Variants in RIPOR2 observed in about 807,000 individuals in gnomAD.
RIPOR2 encodes the protein RHO family interacting cell polarization regulator 2, also known as rho family-interacting cell polarization regulator 2.
RIPOR2 carries 39 observed loss-of-function variants against 114.5 expected under a neutral mutation model. The ratio of observed to expected loss-of-function variants is 0.34; its 90% CI spans 0.26 to 0.44. The LOEUF (loss-of-function observed/expected upper bound fraction) is 0.44. RIPOR2 is among the 20% of genes least tolerant of loss of function. The pLI, the probability that RIPOR2 is intolerant of heterozygous loss-of-function variation, is 1.00. For synonymous variants in RIPOR2, 445 were observed against 484.4 expected (o/e 0.92, Z 1.07); for missense variants, 1,007 against 1,255.1 (o/e 0.80, Z 2.99).
chr6:24,823,324 AT>A (rs758982011), intron 19 of RIPOR2, among the ~76,000 whole-genome samples: 22 of 152,340 alleles, frequency 1.4e-4, no homozygotes, highest in Non-Finnish European at 2.5e-4. Flanking sequence ...AGTAATCCAA[AT>A]TCTGTTACTT....
At chr6:24,918,843 C>T (rs969393372) in intron 1 of RIPOR2, among the ~76,000 whole-genome samples, 2 of 152,204 alleles carry the variant, frequency 1.3e-5, no homozygotes, top group African/African-American at 4.8e-5. Context: ...CTCCTAGGCT[C>T]TGAATCCAGC....
intron 19 of RIPOR2, among the ~76,000 whole-genome samples, chr6:24,821,811 C>T (rs570596692): frequency 6.6e-6 from 1 of 152,340 alleles, no homozygotes; most frequent in South Asian, 2.1e-4. Flanking sequence ...GCTACCATTT[C>T]CAGAGGTGGA....
At chr6:24,847,850 A>C (rs1425866543) in intron 12 of RIPOR2, among the ~76,000 whole-genome samples, 175 bp downstream of exon 12, 1 of 152,222 alleles carries the variant, frequency 6.6e-6, no homozygotes, top group Non-Finnish European at 1.5e-5. Flanking sequence ...AAAAATCTAC[A>C]TGTTACCATC....
At chr6:24,847,374 G>A (rs374135520) in intron 12 of RIPOR2, among the ~76,000 whole-genome samples, 13 of 152,198 alleles carry the variant, frequency 8.5e-5, no homozygotes, top group African/African-American at 1.4e-4. Flanking sequence ...GACAAACTGC[G>A]TCTCTATCAA....
At chr6:25,004,835 T>G (rs1775480101) in intron 1 of RIPOR2, among the ~76,000 whole-genome samples, 1 of 152,224 alleles carries the variant, frequency 6.6e-6, no homozygotes, top group South Asian at 2.1e-4. Context: ...GTAAATCTGC[T>G]GTCTTTGAAG....
At chr6:24,943,820 T>TC (rs973196109) in intron 1 of RIPOR2, among the ~76,000 whole-genome samples, 4 of 151,588 alleles carry the variant, frequency 2.6e-5, no homozygotes, top group Non-Finnish European at 4.4e-5. Flanking sequence ...AAAGTCCCAT[T>TC]CCCCCAAAAC....
chr6:24,832,504 G>A (rs775173501), intron 15 of RIPOR2, 113 bp from the exon 16 acceptor site: 8 of 914,546 alleles, frequency 8.7e-6, no homozygotes, highest in Non-Finnish European at 1.3e-5. Flanking sequence ...CTCATGCGAT[G>A]TTTTTCTTCC....
chr6:24,836,586 T>C (rs1026586858), intron 14 of RIPOR2, among the ~76,000 whole-genome samples: 7 of 152,186 alleles, frequency 4.6e-5, no homozygotes, highest in Admixed American at 4.6e-4. Flanking sequence ...TTCACATGAT[T>C]AGCAGAGATT....
intron 1 of RIPOR2, among the ~76,000 whole-genome samples, chr6:25,007,185 A>C (rs1328079721): frequency 6.6e-6 from 1 of 152,202 alleles, no homozygotes; most frequent in East Asian, 1.9e-4. Flanking sequence ...TAATATCTTC[A>C]ATAGATAAAG....
intron 1 of RIPOR2, among the ~76,000 whole-genome samples, chr6:24,909,347 C>G (rs371764038): frequency 1.3e-5 from 2 of 152,028 alleles, no homozygotes; most frequent in Non-Finnish European, 2.9e-5. Context: ...TGCTGGTTCT[C>G]GGAGAGTTCG....
At position 24,873,795 on chromosome 6, in the gene RIPOR2, T is replaced by C; in HGVS notation, c.193A>G (p.Asn65Asp). The C allele has an allele frequency of 6.2e-7, 1 of 1,608,488 alleles. No homozygotes were observed. Among genetic ancestry groups the C allele is most frequent in the Non-Finnish European group, 8.5e-7 (1 of 1,178,360 alleles). The change falls in exon 3 of 22, where the codon AAC (asparagine) becomes GAC (aspartate). Residue 65 changes from asparagine (N) to aspartate (D), a missense_variant. By Grantham distance (23) the Asn-to-Asp change is conservative. Transcript: ENST00000643898. ...SGLQERRSRC[N>D]SFIENSSALK... is the part of the protein sequence containing the mutation. ...GCGGAGGAATTTTCAATGAAGGAGT[T>C]ACACCTATGGAAAGAACAGAAGAAA... is the stretch of plus-strand genomic sequence containing the variant.
chr6:24,948,657 G>A (rs1772588673), intron 1 of RIPOR2, among the ~76,000 whole-genome samples: 2 of 151,938 alleles, frequency 1.3e-5, no homozygotes, highest in South Asian at 4.2e-4. Flanking sequence ...TCAGCCTTCC[G>A]AGTAGCTGGG....
chr6:25,024,340 T>G, intron 1 of RIPOR2: 1 of 1,451,400 alleles, frequency 6.9e-7, no homozygotes, highest in South Asian at 1.1e-5. Flanking sequence ...GCCTTCTTCC[T>G]GGCTTCCTCG....
intron 5 of RIPOR2, 82 bp downstream of exon 5, chr6:24,870,784 G>A: frequency 9.9e-7 from 1 of 1,012,790 alleles, no homozygotes; most frequent in Non-Finnish European, 1.5e-6. Context: ...AAAGTGCTGG[G>A]ATGACAGGCG....
rs188153296 is a variant in RIPOR2 at position 24,880,509 on chromosome 6, G to C, written c.62-4692C>G. ...CTTTTCTGTATTATATTTTTATACAGAAAAGGTATTTGTGTATTTTTCATA... is the reference window on the plus strand; with the variant it reads ...CTTTTCTGTATTATATTTTTATACACAAAAGGTATTTGTGTATTTTTCATA... On this transcript the variant is annotated intron_variant, in intron 1 of 21. Transcript: ENST00000643898. Among the ~76,000 whole-genome samples, 126 of 152,276 alleles carry C rather than the reference G, an allele frequency of 8.3e-4. 1 individual carries two copies. Among genetic ancestry groups the C allele is most frequent in the African/African-American group, 2.9e-3 (121 of 41,558 alleles).
intron 1 of RIPOR2, among the ~76,000 whole-genome samples, chr6:24,899,161 A>G (rs1044715766): frequency 4.6e-5 from 7 of 152,116 alleles, no homozygotes; most frequent in African/African-American, 1.7e-4. Flanking sequence ...TTCAGGGACA[A>G]TGTGGGAACA....
At chr6:24,920,312 C>G (rs1770384593) in intron 1 of RIPOR2, among the ~76,000 whole-genome samples, 1 of 152,210 alleles carries the variant, frequency 6.6e-6, no homozygotes, top group African/African-American at 2.4e-5. Context: ...AGCATGTGAA[C>G]TTGGTATGCA....
chr6:24,825,510 T>C (rs970500951), intron 18 of RIPOR2, 82 bp from the exon 19 acceptor site: 1 of 997,610 alleles, frequency 1.0e-6, no homozygotes. Flanking sequence ...AGAACTCAAG[T>C]ACATAAGAAA....
intron 16 of RIPOR2, among the ~76,000 whole-genome samples, chr6:24,830,896 A>G (rs1760623491): frequency 6.6e-6 from 1 of 151,906 alleles, no homozygotes; most frequent in African/African-American, 2.4e-5. Flanking sequence ...TTGTATTTTT[A>G]GTAGAGATGA....
Sources: gnomAD v4.1 joint callset for allele counts (sites outside exome capture counted in the v4.1 genomes callset) on GRCh38, gnomAD v4.1.1 for gene constraint, MANE v1.5 for transcripts, NCBI Gene and HGNC (gene_info 2026-07-23, HGNC 2026-07-21) for gene names.